Variants in CPEB3 observed in about 807,000 individuals in gnomAD.
The protein encoded by CPEB3 is cytoplasmic polyadenylation element binding protein 3.
CPEB3 carries 20 observed loss-of-function variants against 67.2 expected under a neutral mutation model. The observed-to-expected ratio is 0.30, with a 90% CI of 0.21 to 0.43. The LOEUF (loss-of-function observed/expected upper bound fraction) is 0.43. Among genes scored for constraint, CPEB3 ranks in the 20% least tolerant of loss-of-function variants. CPEB3 has a pLI of 1.00. For synonymous variants in CPEB3, 376 were observed against 393.1 expected, an observed-to-expected ratio of 0.96 and a Z score of 0.51; for missense variants, 746 against 968.6, an observed-to-expected ratio of 0.77 and a Z score of 3.05.
intron 2 of CPEB3, chr10:92,216,669 A>C: frequency 6.2e-7 from 1 of 1,606,964 alleles, no homozygotes; most frequent in Non-Finnish European, 8.5e-7. Flanking sequence ...TCTAAGACGG[A>C]CCTGGGTGCA....
intron 2 of CPEB3, among the ~76,000 whole-genome samples, chr10:92,215,175 C>T (rs1228911058): frequency 1.4e-5 from 2 of 144,266 alleles, no homozygotes; most frequent in East Asian, 2.0e-4. Flanking sequence ...TTTTTTGAGA[C>T]GGAGTCTCAC....
chr10:92,287,857 T>C (rs901175516), intron 1 of CPEB3, among the ~76,000 whole-genome samples: 2 of 152,174 alleles, frequency 1.3e-5, no homozygotes, highest in Non-Finnish European at 2.9e-5. Context: ...AGGAACCTCA[T>C]ACTCATTAGC....
In CPEB3 at chr10:92,049,815, T is replaced by G. The variant is rs1330380662; in HGVS notation, c.*2397A>C. On this transcript the variant is annotated 3_prime_UTR_variant, in exon 10 of 10. Transcript: ENST00000265997. ...GTTTTGCTTCTTTCACATAATTAGG[T>G]AGATTTCTGTAGGTTAGATATGATC... 1 of 152,612 alleles carries G rather than the reference T, an allele frequency of 6.6e-6. No individual in the cohort carries two copies. Among genetic ancestry groups the G allele is most frequent in the Non-Finnish European group, 1.5e-5 (1 of 68,034 alleles). The allele number at this position is 152,612 out of a possible 1,614,324, so 9.5% of individuals were successfully genotyped here.
chr10:92,115,205 G>A (rs11186830), intron 6 of CPEB3, among the ~76,000 whole-genome samples: 59,952 of 152,096 alleles, frequency 0.39, 12,699 homozygotes, highest in African/African-American at 0.55. Flanking sequence ...CCAGGCGGGA[G>A]TGCAGTGAGG....
At chr10:92,199,189 C>T (rs766813582) in intron 2 of CPEB3, among the ~76,000 whole-genome samples, 23 of 150,756 alleles carry the variant, frequency 1.5e-4, no homozygotes, top group Non-Finnish European at 2.8e-4. Context: ...GTCGGGAGTT[C>T]GAGACCAGCC....
At chr10:92,111,785 C>T (rs569123096) in intron 6 of CPEB3, among the ~76,000 whole-genome samples, 4 of 152,308 alleles carry the variant, frequency 2.6e-5, no homozygotes, top group African/African-American at 4.8e-5. Flanking sequence ...CTGACATGCA[C>T]ATGTCACATT....
intron 3 of CPEB3, among the ~76,000 whole-genome samples, chr10:92,188,053 C>T (rs1848775559): frequency 1.3e-5 from 2 of 151,742 alleles, no homozygotes; most frequent in Non-Finnish European, 2.9e-5. Flanking sequence ...AAAAATCAGC[C>T]AGGCATGGTG....
rs886946836 is a variant in CPEB3, at chr10:92,203,807, A to G, written c.1006-11171T>C. 9.9e-5 allele frequency among the ~76,000 whole-genome samples: 15 copies of G among 152,146 alleles called. 1 individual carries two copies. Among genetic ancestry groups the G allele is most frequent in the Admixed American group, 9.8e-4 (15 of 15,240 alleles). ...CTTCAGCTGCTCCATTCAGGAGCCA[A>G]TGAAGGAACCCAGGAATTAAACCTA... is the stretch of plus-strand genomic sequence containing the variant. On this transcript the variant is annotated intron_variant, in intron 2 of 9. Coordinates refer to ENST00000265997, the MANE Select transcript of CPEB3 (RefSeq NM_014912.5).
At chr10:92,227,810 C>T (rs1340402658) in intron 2 of CPEB3, among the ~76,000 whole-genome samples, 1 of 152,116 alleles carries the variant, frequency 6.6e-6, no homozygotes, top group East Asian at 1.9e-4. Flanking sequence ...CCAGGATGGT[C>T]TCGATCTCCT....
intron 1 of CPEB3, among the ~76,000 whole-genome samples, chr10:92,290,255 C>T (rs1000809144): frequency 2.6e-5 from 4 of 152,120 alleles, no homozygotes; most frequent in Non-Finnish European, 4.4e-5. Context: ...TTCGTTTGAG[C>T]CGACAGCTCT....
Position 92,123,345 on chromosome 10 carries a change from G to A in CPEB3, c.1454-12151C>T, listed in dbSNP as rs914479367. Among the ~76,000 whole-genome samples the A allele has an allele frequency of 7.7e-4, 117 of 151,658 alleles. 2 individuals carry two copies. Among genetic ancestry groups the A allele is most frequent in the Admixed American group, 1.3e-3 (20 of 15,208 alleles). ...GTGTGGGAGAGAACTGGTCAAACTC[G>A]TTGGGTAATTTTATGATTACTGAGC... On this transcript the variant is annotated intron_variant, in intron 6 of 9. Coordinates refer to ENST00000265997, the MANE Select transcript of CPEB3 (RefSeq NM_014912.5).
intron 1 of CPEB3, among the ~76,000 whole-genome samples, chr10:92,241,821 T>A (rs569346352): frequency 6.6e-6 from 1 of 152,230 alleles, no homozygotes; most frequent in Non-Finnish European, 1.5e-5. Flanking sequence ...TTTGAAATGT[T>A]AAAGGGGCAT....
At chr10:92,099,171 C>T (rs1258299212) in intron 7 of CPEB3, among the ~76,000 whole-genome samples, 1 of 150,282 alleles carries the variant, frequency 6.7e-6, no homozygotes, top group African/African-American at 2.4e-5. Flanking sequence ...AATAGGGATA[C>T]GATTAGGTCA....
At chr10:92,159,251 A>G (rs1241264955) in intron 4 of CPEB3, among the ~76,000 whole-genome samples, 1 of 152,042 alleles carries the variant, frequency 6.6e-6, no homozygotes, top group Non-Finnish European at 1.5e-5. Context: ...CGACAGAGCA[A>G]GACTCTGTCT....
In CPEB3 at chr10:92,143,062, T is replaced by C. The variant is rs1362976003; in HGVS notation, c.1420A>G (p.Lys474Glu). The C allele has an allele frequency of 6.2e-7, 1 of 1,613,724 alleles. No homozygotes were observed. Among genetic ancestry groups the C allele is most frequent in the Non-Finnish European group, 8.5e-7 (1 of 1,179,780 alleles). Residue 474 changes from lysine to glutamate, a missense_variant, in exon 6 of 10, where the codon AAA becomes GAA. Physicochemically the swap from Lys to Glu is moderately conservative, Grantham distance 56 (BLOSUM62 1). Transcript: ENST00000265997. ...GGAAAATAAGACTTGCTTTCAGCTTTGTGAGGCCAGTCTACTACGAGAGGT... is the reference window on the plus strand; with the variant it reads ...GGAAAATAAGACTTGCTTTCAGCTTCGTGAGGCCAGTCTACTACGAGAGGT... The part of the protein sequence containing the change: ...FGPLVVDWPH[K>E]AESKSYFPPK...
chr10:92,242,812 T>C (rs1851905553), intron 1 of CPEB3, among the ~76,000 whole-genome samples: 1 of 152,230 alleles, frequency 6.6e-6, no homozygotes, highest in Admixed American at 6.5e-5. Flanking sequence ...GGAACACCCA[T>C]TTCTCTTCTC....
At chr10:92,216,196 G>A (rs546441150) in intron 2 of CPEB3, 1 of 702,486 alleles carries the variant, frequency 1.4e-6, no homozygotes, top group African/African-American at 1.8e-5. Context: ...CCAGCACTTT[G>A]GGAGGCCGAG....
intron 4 of CPEB3, among the ~76,000 whole-genome samples, chr10:92,159,146 C>G (rs955530654): frequency 1.3e-5 from 2 of 151,830 alleles, no homozygotes; most frequent in African/African-American, 4.8e-5. Flanking sequence ...ACCTGTAATC[C>G]CAGCACTTTG....
At chr10:92,262,211 TATC>T (rs1383307048) in intron 1 of CPEB3, among the ~76,000 whole-genome samples, 2 of 152,194 alleles carry the variant, frequency 1.3e-5, no homozygotes, top group African/African-American at 2.4e-5. Context: ...CAGATCACGA[TATC>T]ATCACAGTAA....
Sources: gnomAD v4.1 joint callset for allele counts (sites outside exome capture counted in the v4.1 genomes callset) on GRCh38, gnomAD v4.1.1 for gene constraint, MANE v1.5 for transcripts, NCBI Gene and HGNC (gene_info 2026-07-23, HGNC 2026-07-21) for gene names.